UBA1: variants seen among roughly 807,000 people sequenced by gnomAD.
UBA1 encodes ubiquitin-like modifier-activating enzyme 1.
A neutral mutation model predicts 84.7 loss-of-function variants in UBA1; 4 were observed. The observed-to-expected ratio is 0.05, with a 90% confidence interval of 0.02 to 0.11. The LOEUF is 0.11. UBA1 is among the 10% of genes least tolerant of loss of function. The pLI, the probability that UBA1 is intolerant of heterozygous loss-of-function variation, is 1.00. For missense variants in UBA1, 513 were observed against 902.8 expected (o/e 0.57, Z 5.53); for synonymous variants, 364 against 362.6 (o/e 1.00, Z -0.04).
At chrX:47,203,834 T>G in intron 14 of UBA1, 138 bp downstream of exon 14, 1 of 682,808 alleles carries the variant, frequency 1.5e-6, no homozygotes, top group African/African-American at 2.2e-5. Context: ...CCACAACCTC[T>G]GCCTCCTGGG....
Position 47,214,377 on chromosome X carries a change from G to T in UBA1, c.2889G>T (p.Leu963=), listed in dbSNP as rs2147303075. 1.7e-6 allele frequency: 2 copies of T among 1,211,167 alleles called. No homozygotes were observed. Among genetic ancestry groups the T allele is most frequent in the Non-Finnish European group, 2.2e-6 (2 of 895,324 alleles). The change falls in exon 24 of 26, where the codon CTG becomes CTT. Residue 963 remains leucine, a synonymous_variant. Transcript: ENST00000335972. The stretch of plus-strand genomic sequence containing the variant: ...GGGATCGCTTTGAGGTACAAGGGCT[G>T]CAGCCTAATGGTGAGGAGATGACCC... ...TLWDRFEVQG[L]QPNGEEMTLK...
intron 11 of UBA1, 21 bp from the exon 12 acceptor site, chrX:47,202,920 CCT>C (rs782375261): frequency 1.0e-5 from 12 of 1,204,215 alleles, no homozygotes; most frequent in Middle Eastern, 2.3e-4. Flanking sequence ...CTGACCACCC[CCT>C]CTCTCCCTTC....
In UBA1 at chrX:47,212,448, A is replaced by G. The variant is rs1556793767; in HGVS notation, c.2489A>G (p.Lys830Arg). The G allele has an allele frequency of 8.3e-7, 1 of 1,210,115 alleles. No individual in the cohort carries two copies. The change falls in exon 21 of 26, where the codon AAA (lysine) becomes AGA (arginine). Residue 830 changes from lysine to arginine, a missense_variant. By Grantham distance (26) the Lys-to-Arg change is conservative. Around this residue, in one of 6 missense-constraint regions of UBA1, gnomAD observed 151 missense variants for 260.1 expected, o/e 0.58. Coordinates refer to ENST00000335972, the MANE Select transcript of UBA1 (RefSeq NM_003334.4). ...GATGACAGTCGTCTAGAGGAGCTCAAAGCCACTCTGCCCAGCCCAGACAAG... is the reference window on the plus strand; with the variant it reads ...GATGACAGTCGTCTAGAGGAGCTCAGAGCCACTCTGCCCAGCCCAGACAAG... ...SVDDSRLEELKATLPSPDKLP... is the reference protein window; with the variant it reads ...SVDDSRLEELRATLPSPDKLP...
At chrX:47,195,090 TC>T (rs1392785420) in intron 1 of UBA1, among the ~76,000 whole-genome samples, 1 of 111,180 alleles carries the variant, frequency 9.0e-6, no homozygotes, top group African/African-American at 3.3e-5. Flanking sequence ...TTTTCACAGA[TC>T]CCTTATCCTC....
chrX:47,190,991 T>A (rs1476527607), upstream of UBA1: 2 of 112,347 alleles, frequency 1.8e-5, no homozygotes, highest in African/African-American at 6.5e-5. Flanking sequence ...TGGACAGCAT[T>A]TGGAGGAGGG....
Position 47,202,610 on chromosome X carries a change from C to T in UBA1, c.1057-28C>T, listed in dbSNP as rs375695482. 3.3e-6 allele frequency: 4 copies of T among 1,210,316 alleles called. No homozygotes were observed. In the African/African-American group the frequency reaches 7.0e-5, roughly 21 times the overall value. Reference sequence around the variant, plus strand: ...CTGCCCTCACTGTGGCCTGACATATCCTCTCTTGGTTCTTTCTGGCCCACC... The same window carrying T: ...CTGCCCTCACTGTGGCCTGACATATTCTCTCTTGGTTCTTTCTGGCCCACC... On this transcript the variant is annotated intron_variant, in intron 10 of 25. Coordinates refer to ENST00000335972, the MANE Select transcript of UBA1 (RefSeq NM_003334.4).
At position 47,200,881 on chromosome X, in the gene UBA1, C is replaced by T. The variant is rs113488762; in HGVS notation, c.481-13C>T. On this transcript the variant is annotated splice_polypyrimidine_tract_variant and intron_variant, in intron 5 of 25. Transcript: ENST00000335972. ...CACCCCAATGCTGGGCCTGAGCCTC[C>T]ATCTCTCCACAGGTGGTGGTGCTCA... The T allele has an allele frequency of 2.6e-6, 3 of 1,173,670 alleles. No individual in the cohort carries two copies. In the East Asian group the frequency reaches 9.4e-5, roughly 37 times the overall value.
At chrX:47,193,312 C>T (rs1176399891), upstream of UBA1, among the ~76,000 whole-genome samples, 2 of 111,418 alleles carry the variant, frequency 1.8e-5, no homozygotes, top group African/African-American at 6.5e-5. Context: ...GCCCCATTTC[C>T]CTGCTTACAG....
At chrX:47,210,225 CCTGAGGCATGGGGAT>C in intron 18 of UBA1, 102 bp downstream of exon 18, 1 of 952,002 alleles carries the variant, frequency 1.1e-6, no homozygotes, top group South Asian at 2.0e-5. Context: ...TGGCAGGTGC[CCTGAGGCATGGGGAT>C]CTGAGAAGAG....
rs2230147 is a variant in UBA1, at chrX:47,210,862, G to A, written c.2220G>A (p.Pro740=). 0.015 allele frequency: 18,680 copies of A among 1,209,034 alleles called. 1,785 individuals are homozygous for A. In the African/African-American group the frequency reaches 0.28, roughly 18 times the overall value. ...PPDQLTSSGA[P]FWSGPKRCPH... ...CTTAGCTCACAAGCTCAGGAGCGCCGTTCTGGTCTGGGCCCAAACGCTGTC... is the reference window on the plus strand; with the variant it reads ...CTTAGCTCACAAGCTCAGGAGCGCCATTCTGGTCTGGGCCCAAACGCTGTC... The change falls in exon 19 of 26, where the codon CCG becomes CCA. Residue 740 remains proline (P), a synonymous_variant. Coordinates refer to ENST00000335972, the MANE Select transcript of UBA1 (RefSeq NM_003334.4).
At chrX:47,192,843 G>C (rs1556784524), upstream of UBA1, among the ~76,000 whole-genome samples, 1 of 112,043 alleles carries the variant, frequency 8.9e-6, no homozygotes, top group Non-Finnish European at 1.9e-5. Flanking sequence ...CACCCGCCTC[G>C]GCCTCCTAAA....
chrX:47,205,860 A>T (rs1393343565), intron 14 of UBA1, 88 bp from the exon 15 acceptor site: 183 of 1,073,367 alleles, frequency 1.7e-4, no homozygotes, highest in Non-Finnish European at 2.2e-4. Flanking sequence ...TCTCAAAAAA[A>T]ATAAAGATGT....
intron 5 of UBA1, among the ~76,000 whole-genome samples, chrX:47,200,028 G>T (rs1441891547): frequency 9.1e-6 from 1 of 110,154 alleles, no homozygotes; most frequent in Non-Finnish European, 1.9e-5. Context: ...CTTGTGATCC[G>T]CCCGCCTCCG....
rs1936845933 is a variant in UBA1, at chrX:47,209,768, C to T, written c.2003+81C>T. 5 of 1,111,769 alleles carry T rather than the reference C, an allele frequency of 4.5e-6. No homozygotes were observed. In the Admixed American group the frequency reaches 8.8e-5, roughly 20 times the overall value. 91.6% of individuals were successfully genotyped at this position (1,111,769 alleles called of 1,213,427 possible). A position where few individuals can be genotyped will look rare whatever the true frequency, so the allele number is the denominator to read the frequency against. ...GGCTGCTTTCCTCATGACAGTAACA[C>T]TTGGCACCAGGCACACTTTTCACAT... On this transcript the variant is annotated intron_variant, in intron 17 of 25. Transcript: ENST00000335972.
In UBA1 at chrX:47,212,418, A is replaced by G. The variant is rs1556793755; in HGVS notation, c.2465-6A>G. ...AAGGGCTGACAGTGTCCCTTTCTTC[A>G]TGCAGATGACAGTCGTCTAGAGGAG... On this transcript the variant is annotated splice_polypyrimidine_tract_variant and splice_region_variant and intron_variant, in intron 20 of 25. Transcript: ENST00000335972. 1 of 1,195,664 alleles carries G rather than the reference A, an allele frequency of 8.4e-7. No individual in the cohort carries two copies. Among genetic ancestry groups the G allele is most frequent in the South Asian group, 1.8e-5 (1 of 56,439 alleles).
chrX:47,210,925 C>G lies in UBA1; in HGVS notation c.2274+9C>G. 3 of 1,211,178 alleles carry G rather than the reference C, an allele frequency of 2.5e-6. No individual in the cohort carries two copies. The highest frequency in any genetic ancestry group is 2.3e-4 in the Middle Eastern group (1 of 4,354). On this transcript the variant is annotated intron_variant, in intron 19 of 25. Transcript: ENST00000335972. ...CCTTTGATGTCAACAATGTAAGTCT[C>G]CTTTCTAGGGTCTTCTGGGGTCAGG...
intron 14 of UBA1, 65 bp downstream of exon 14, chrX:47,203,761 T>TG (rs1936519553): frequency 9.1e-7 from 1 of 1,104,958 alleles, no homozygotes; most frequent in Non-Finnish European, 1.2e-6. Flanking sequence ...TTTTTTTTTT[T>TG]TTTGAGACGG....
At chrX:47,211,592 G>T (rs1306693899) in intron 20 of UBA1, among the ~76,000 whole-genome samples, 1 of 109,780 alleles carries the variant, frequency 9.1e-6, no homozygotes, top group East Asian at 2.9e-4. Flanking sequence ...TTCCAGATCC[G>T]CCCCCATCTG....
chrX:47,210,157 T>C (rs1323976868), intron 18 of UBA1, 34 bp downstream of exon 18: 16 of 1,202,565 alleles, frequency 1.3e-5, no homozygotes, highest in Non-Finnish European at 1.8e-5. Flanking sequence ...TTTGGCAGAA[T>C]GTGTTTCCCT....
Sources: gnomAD v4.1 joint callset for allele counts (sites outside exome capture counted in the v4.1 genomes callset) on GRCh38, gnomAD v4.1.1 for gene constraint, gnomAD v4.1.1 regional missense constraint, MANE v1.5 for transcripts, NCBI Gene and HGNC (gene_info 2026-07-23, HGNC 2026-07-21) for gene names.